Variants in SORCS2 observed in about 807,000 individuals in gnomAD.
SORCS2 encodes the protein sortilin related VPS10 domain containing receptor 2, also known as VPS10 domain-containing receptor SorCS2.
In SORCS2, 100 loss-of-function variants were observed where a neutral mutation model predicts 141.6. The observed-to-expected ratio is 0.71, with a 90% CI of 0.60 to 0.83. The LOEUF (loss-of-function observed/expected upper bound fraction) is 0.83. Ranked by LOEUF, SORCS2 falls within the 40% of genes least tolerant of loss-of-function variation. The probability of loss-of-function intolerance (pLI) is 0.00; values close to 1 mark genes in which losing one functional copy is unlikely to be tolerated. For synonymous variants in SORCS2, 789 were observed against 676.9 expected (o/e 1.17, Z -2.57); for missense variants, 1,646 against 1,560.2 (o/e 1.05, Z -0.93).
intron 1 of SORCS2, among the ~76,000 whole-genome samples, chr4:7,239,196 G>A (rs1225035617): frequency 6.6e-6 from 1 of 152,254 alleles, no homozygotes. Flanking sequence ...TGCCCAGGAT[G>A]CTGCTATCAG....
At chr4:7,551,200 A>T (rs998772171) in intron 3 of SORCS2, among the ~76,000 whole-genome samples, 4 of 152,188 alleles carry the variant, frequency 2.6e-5, no homozygotes, top group African/African-American at 9.7e-5. Context: ...GTTGGTCAAG[A>T]TCTCTCAGCG....
chr4:7,401,970 T>A (rs62277576), intron 2 of SORCS2, among the ~76,000 whole-genome samples: 2 of 152,130 alleles, frequency 1.3e-5, no homozygotes, highest in African/African-American at 4.8e-5. Context: ...CAGGTACTCA[T>A]GAAACAGAGC....
chr4:7,577,130 G>T (rs1053424086), intron 3 of SORCS2, among the ~76,000 whole-genome samples: 1 of 152,168 alleles, frequency 6.6e-6, no homozygotes, highest in Non-Finnish European at 1.5e-5. Flanking sequence ...TGACAAGAAC[G>T]CTCATGTGGA....
Position 7,192,694 on chromosome 4 carries a change from C to T in SORCS2, c.48C>T (p.Thr16=), listed in dbSNP as rs1212935217. ...PSRASKGPGP[T]ARAPSPGAPP... is the part of the protein sequence containing the mutation. ...GCGCCTCGAAGGGCCCCGGCCCCACCGCCCGAGCCCCGAGCCCCGGGGCTC... is the reference window on the plus strand; with the variant it reads ...GCGCCTCGAAGGGCCCCGGCCCCACTGCCCGAGCCCCGAGCCCCGGGGCTC... Residue 16 remains threonine (T), a synonymous_variant, in exon 1 of 27, where the codon ACC becomes ACT. Coordinates refer to ENST00000507866, the MANE Select transcript of SORCS2 (RefSeq NM_020777.3). The surrounding 1 kb of genome is among the most constrained non-coding windows in gnomAD (Gnocchi z 4.0). 9.5e-5 allele frequency: 94 copies of T among 989,018 alleles called. No individual in the cohort carries two copies. The highest frequency in any genetic ancestry group is 1.1e-4 in the Non-Finnish European group (93 of 833,904). The allele number at this position is 989,018 out of a possible 1,614,324, so 61.3% of individuals were successfully genotyped here.
chr4:7,729,657 A>G lies in SORCS2; in HGVS notation c.3053A>G (p.Tyr1018Cys), dbSNP rs368724195. 3.7e-6 allele frequency: 6 copies of G among 1,606,438 alleles called. No homozygotes were observed. The highest frequency in any genetic ancestry group is 5.1e-6 in the Non-Finnish European group (6 of 1,176,824). ...KPGLPTLADLYVLLPPPRPTR... is the reference protein window; with the variant it reads ...KPGLPTLADLCVLLPPPRPTR... Reference sequence around the variant, plus strand: ...GGGCTGCCCACTTTGGCCGATCTGTACGTGCTCCTGCCCCCTCCCAGGCCC... The same window carrying G: ...GGGCTGCCCACTTTGGCCGATCTGTGCGTGCTCCTGCCCCCTCCCAGGCCC... The change falls in exon 23 of 27, where the codon TAC becomes TGC. Residue 1018 changes from tyrosine (Y) to cysteine (C), a missense_variant. By Grantham distance (194) the Tyr-to-Cys change is radical. Transcript: ENST00000507866.
chr4:7,196,460 A>G (rs987465971), intron 1 of SORCS2, among the ~76,000 whole-genome samples: 2 of 152,216 alleles, frequency 1.3e-5, no homozygotes, highest in Admixed American at 1.3e-4. Context: ...TATTTTAAGC[A>G]CAGCTCACCT....
At chr4:7,414,939 AGCCC>A (rs560995754) in intron 2 of SORCS2, among the ~76,000 whole-genome samples, 5,195 of 152,208 alleles carry the variant, frequency 0.034, 145 homozygotes, top group Admixed American at 0.046. Context: ...TTGGGTGAGG[AGCCC>A]TTAGTGTCTT....
chr4:7,726,753 C>A, intron 20 of SORCS2, 27 bp from the exon 21 acceptor site: 1 of 1,610,442 alleles, frequency 6.2e-7, no homozygotes, highest in Non-Finnish European at 8.5e-7. Flanking sequence ...CTCGGCCAGG[C>A]CCCTAAGCCC....
chr4:7,448,717 T>C (rs1210814137), intron 2 of SORCS2, among the ~76,000 whole-genome samples: 3 of 105,540 alleles, frequency 2.8e-5, no homozygotes, highest in Non-Finnish European at 4.1e-5. Context: ...TCCCCTCCCT[T>C]CTTCCTCCCT....
chr4:7,456,255 A>T (rs1390747376), intron 2 of SORCS2, among the ~76,000 whole-genome samples: 1 of 152,224 alleles, frequency 6.6e-6, no homozygotes, highest in Non-Finnish European at 1.5e-5. Context: ...CAGGCATTTC[A>T]GGTGGACACA....
intron 4 of SORCS2, among the ~76,000 whole-genome samples, chr4:7,639,028 G>C (rs981008530): frequency 1.3e-5 from 2 of 152,110 alleles, no homozygotes; most frequent in African/African-American, 4.8e-5. Context: ...GGAGCGGGGG[G>C]CCAGCCTGGT....
chr4:7,562,866 C>T (rs1421499175), intron 3 of SORCS2, among the ~76,000 whole-genome samples: 5 of 152,192 alleles, frequency 3.3e-5, no homozygotes, highest in African/African-American at 1.2e-4. Context: ...TCCAAGTTTC[C>T]TGCTTCTTAT....
intron 2 of SORCS2, among the ~76,000 whole-genome samples, chr4:7,465,054 C>A (rs188903888): frequency 1.3e-5 from 2 of 152,234 alleles, no homozygotes; most frequent in African/African-American, 4.8e-5. Context: ...GACAAAGCAC[C>A]CCCCTTGCAG....
At chr4:7,406,057 A>G (rs548611207) in intron 2 of SORCS2, among the ~76,000 whole-genome samples, 23 of 152,116 alleles carry the variant, frequency 1.5e-4, no homozygotes, top group Admixed American at 1.2e-3. Flanking sequence ...ATTGATTTGC[A>G]TATGTTAAAC....
intron 2 of SORCS2, among the ~76,000 whole-genome samples, chr4:7,495,174 C>T (rs1021066460): frequency 1.3e-5 from 2 of 152,226 alleles, no homozygotes; most frequent in Non-Finnish European, 2.9e-5. Context: ...AGCGTCAAAG[C>T]CTCGCTTGCC....
In SORCS2 at chr4:7,703,324, C is replaced by T. The variant is rs200608332; in HGVS notation, c.1713C>T (p.Gly571=). 41 of 1,613,352 alleles carry T rather than the reference C, an allele frequency of 2.5e-5. No homozygotes were observed. Among genetic ancestry groups the T allele is most frequent in the Admixed American group, 3.3e-5 (2 of 59,964 alleles). Residue 571 remains glycine (G), a synonymous_variant, in exon 13 of 27, where the codon GGC becomes GGT. Transcript: ENST00000507866. The part of the protein sequence containing the change: ...EHHILYLDHG[G]VIVAIKDTSI... ...ACATCCTGTACCTGGACCACGGCGG[C>T]GTGATCGTGGCCATCAAAGACACCT...
At chr4:7,393,812 G>A (rs1030263845) in intron 1 of SORCS2, among the ~76,000 whole-genome samples, 23 of 152,244 alleles carry the variant, frequency 1.5e-4, no homozygotes, top group African/African-American at 3.1e-4. Flanking sequence ...ATATTTAATC[G>A]TCACCGTGGC....
chr4:7,723,832 G>A lies in SORCS2; in HGVS notation c.2560G>A (p.Ala854Thr). 6.2e-7 allele frequency: 1 copy of A among 1,613,054 alleles called. No homozygotes were observed. The highest frequency in any genetic ancestry group is 8.5e-7 in the Non-Finnish European group (1 of 1,179,878). ...SPGIYRVSVR[A>T]ENTAGHDEAV... ...CGGCATCTACCGCGTGTCCGTCAGGGCAGAGAACACGGCAGGCCACGATGA... is the reference window on the plus strand; with the variant it reads ...CGGCATCTACCGCGTGTCCGTCAGGACAGAGAACACGGCAGGCCACGATGA... The change falls in exon 19 of 27, where the codon GCA (alanine) becomes ACA (threonine). Residue 854 changes from alanine (A) to threonine (T), a missense_variant. By Grantham distance (58) the Ala-to-Thr change is moderately conservative (BLOSUM62 0). Coordinates refer to ENST00000507866, the MANE Select transcript of SORCS2 (RefSeq NM_020777.3).
chr4:7,245,163 C>A (rs950100186), intron 1 of SORCS2, among the ~76,000 whole-genome samples: 1 of 152,190 alleles, frequency 6.6e-6, no homozygotes, highest in Admixed American at 6.5e-5. Flanking sequence ...GCTGCAGGAG[C>A]CTGGATGCAG....
Sources: gnomAD v4.1 joint callset for allele counts (sites outside exome capture counted in the v4.1 genomes callset) on GRCh38, gnomAD v4.1.1 for gene constraint, Gnocchi (gnomAD v3.1) non-coding constraint, MANE v1.5 for transcripts, NCBI Gene and HGNC (gene_info 2026-07-23, HGNC 2026-07-21) for gene names.